ADAMTS2: variants seen among roughly 807,000 people sequenced by gnomAD.
ADAMTS2 encodes A disintegrin and metalloproteinase with thrombospondin motifs 2.
ADAMTS2 carries 50 observed loss-of-function variants against 123.0 expected under a neutral mutation model. The observed-to-expected ratio is 0.41, with a 90% CI of 0.32 to 0.51. ADAMTS2 has a LOEUF of 0.51. ADAMTS2 is among the 20% of genes least tolerant of loss of function. The probability of loss-of-function intolerance (pLI) is 0.35; values close to 1 mark genes in which losing one functional copy is unlikely to be tolerated. For synonymous variants in ADAMTS2, 678 were observed against 695.4 expected, an observed-to-expected ratio of 0.98 and a Z score of 0.39; for missense variants, 1,494 against 1,705.2, an observed-to-expected ratio of 0.88 and a Z score of 2.18.
rs1762986367 is a variant in ADAMTS2 at position 179,132,721 on chromosome 5, G to A, written c.2209+56C>T. The A allele has an allele frequency of 5.0e-6, 8 of 1,612,352 alleles. No homozygotes were observed. In the East Asian group the frequency reaches 8.9e-5, roughly 18 times the overall value. ...ATGAGTCAGGCCCTCAGCTGTCCGG[G>A]CATGAGCCTGCTGCAGGCATCCAGG... is the stretch of plus-strand genomic sequence containing the variant. On this transcript the variant is annotated intron_variant, in intron 14 of 21. Transcript: ENST00000251582. This position sits in a 1 kb window ranked among gnomAD's most constrained non-coding sequence, Gnocchi z 6.1.
chr5:179,287,840 G>A (rs889231874), intron 2 of ADAMTS2, among the ~76,000 whole-genome samples: 15 of 152,180 alleles, frequency 9.9e-5, no homozygotes, highest in Admixed American at 5.2e-4. Flanking sequence ...ACTACCCGAC[G>A]GACGTCCCCC....
rs536786642 is a variant in ADAMTS2, at chr5:179,283,797, G to A, written c.535-10733C>T. Among the ~76,000 whole-genome samples, 21 of 151,120 alleles carry A rather than the reference G, an allele frequency of 1.4e-4. No individual in the cohort carries two copies. The South Asian group carries it at 1.7e-3, about 12-fold the overall frequency. On this transcript the variant is annotated intron_variant, in intron 2 of 21. Transcript: ENST00000251582. ...TCCCAGCTACTCAGGAGGCTGAGGC[G>A]GGAGAATCACTTGAACCCAGGAGGC...
intron 2 of ADAMTS2, among the ~76,000 whole-genome samples, chr5:179,286,808 C>T (rs1418525089): frequency 6.6e-6 from 1 of 152,138 alleles, no homozygotes; most frequent in Non-Finnish European, 1.5e-5. Flanking sequence ...TGGGCAGAGG[C>T]GGTTTCTCTC....
intron 3 of ADAMTS2, among the ~76,000 whole-genome samples, chr5:179,223,449 C>T (rs541289768): frequency 9.0e-4 from 136 of 150,734 alleles, no homozygotes; most frequent in Non-Finnish European, 1.4e-3. Flanking sequence ...CACTCACACA[C>T]GCACACTCAC....
chr5:179,190,148 C>T (rs1056196093), intron 4 of ADAMTS2, among the ~76,000 whole-genome samples: 1 of 152,156 alleles, frequency 6.6e-6, no homozygotes, highest in Non-Finnish European at 1.5e-5. Context: ...AGAGGCCTGA[C>T]ATTCCTGTCT....
At chr5:179,218,122 G>A (rs867708160) in intron 3 of ADAMTS2, among the ~76,000 whole-genome samples, 1 of 152,228 alleles carries the variant, frequency 6.6e-6, no homozygotes, top group Non-Finnish European at 1.5e-5. Flanking sequence ...CTAAGGCCAT[G>A]ATGTTGGCAA....
chr5:179,201,522 A>C (rs961419861), intron 4 of ADAMTS2, among the ~76,000 whole-genome samples: 1 of 151,890 alleles, frequency 6.6e-6, no homozygotes, highest in Non-Finnish European at 1.5e-5. Context: ...ACGGTGGCTC[A>C]CGCCTGTAAT....
rs1762608905 is a variant in ADAMTS2, at chr5:179,113,601, G to A, written c.*266C>T. ...TCCCTCTTGCCCTGCCCTCACTGAG[G>A]GAGGCCATACAGCCTCTATATTCCT... On this transcript the variant is annotated 3_prime_UTR_variant, in exon 22 of 22. Transcript: ENST00000251582. 1.9e-6 allele frequency: 1 copy of A among 514,310 alleles called. No homozygotes were observed. Among genetic ancestry groups the A allele is most frequent in the African/African-American group, 1.9e-5 (1 of 52,226 alleles). 31.9% of individuals were successfully genotyped at this position (514,310 alleles called of 1,614,324 possible).
intron 10 of ADAMTS2, among the ~76,000 whole-genome samples, chr5:179,140,591 T>C (rs886855071): frequency 2.0e-5 from 3 of 152,120 alleles, no homozygotes; most frequent in Non-Finnish European, 2.9e-5. Context: ...GGAGGAAGCG[T>C]CTACAGTTTA....
At chr5:179,195,472 T>C (rs574066771) in intron 4 of ADAMTS2, among the ~76,000 whole-genome samples, 14 of 152,354 alleles carry the variant, frequency 9.2e-5, no homozygotes, top group Admixed American at 5.2e-4. Flanking sequence ...GTGGCCCACA[T>C]TGAAAAATAA....
At chr5:179,264,733 C>T (rs1488986508) in intron 3 of ADAMTS2, among the ~76,000 whole-genome samples, 4 of 152,176 alleles carry the variant, frequency 2.6e-5, no homozygotes, top group Admixed American at 6.5e-5. Context: ...ACTGGGCAGG[C>T]GCCCTGTGCC....
At chr5:179,201,441 T>A (rs565030469) in intron 4 of ADAMTS2, among the ~76,000 whole-genome samples, 24 of 152,214 alleles carry the variant, frequency 1.6e-4, no homozygotes, top group African/African-American at 5.8e-4. Context: ...GACAATTAAC[T>A]GCTGGGAGAA....
intron 4 of ADAMTS2, among the ~76,000 whole-genome samples, chr5:179,184,238 C>A (rs930603431): frequency 6.6e-6 from 1 of 152,120 alleles, no homozygotes; most frequent in Non-Finnish European, 1.5e-5. Context: ...CCTGGCCAGG[C>A]GCAGTGGCTC....
rs1763530236 is a variant in ADAMTS2 at position 179,158,586 on chromosome 5, A to G, written c.1132+137T>C. The G allele has an allele frequency of 8.9e-7, 1 of 1,126,290 alleles. No individual in the cohort carries two copies. The highest frequency in any genetic ancestry group is 1.3e-6 in the Non-Finnish European group (1 of 761,026). 69.8% of individuals were successfully genotyped at this position (1,126,290 alleles called of 1,614,324 possible). ...CATCAGTGCACTGCCCCACACCCTC[A>G]CCCAGCTAAGGTGGCCACGGCCTTC... On this transcript the variant is annotated intron_variant, in intron 6 of 21. Coordinates refer to ENST00000251582, the MANE Select transcript of ADAMTS2 (RefSeq NM_014244.5). This position sits in a 1 kb window ranked among gnomAD's most constrained non-coding sequence, Gnocchi z 5.0.
chr5:179,257,821 C>T (rs565634464), intron 3 of ADAMTS2, among the ~76,000 whole-genome samples: 8 of 152,310 alleles, frequency 5.3e-5, no homozygotes, highest in African/African-American at 1.4e-4. Flanking sequence ...ACCCCCATCC[C>T]GGCCACTGCC....
chr5:179,153,341 G>C, intron 9 of ADAMTS2, 150 bp downstream of exon 9: 1 of 1,248,966 alleles, frequency 8.0e-7, no homozygotes, highest in Non-Finnish European at 1.1e-6. Context: ...GTGGGGAGTG[G>C]TGGGTGCAGA....
At chr5:179,206,583 G>A (rs1045034978) in intron 4 of ADAMTS2, among the ~76,000 whole-genome samples, 1 of 152,130 alleles carries the variant, frequency 6.6e-6, no homozygotes, top group African/African-American at 2.4e-5. Context: ...GGGCCCCACT[G>A]GCAGCATCTC....
intron 3 of ADAMTS2, among the ~76,000 whole-genome samples, chr5:179,211,584 G>A (rs1764850761): frequency 6.6e-6 from 1 of 152,212 alleles, no homozygotes; most frequent in Non-Finnish European, 1.5e-5. Flanking sequence ...AAGCACTCCA[G>A]AGCCATCCTG....
intron 3 of ADAMTS2, among the ~76,000 whole-genome samples, chr5:179,214,244 C>G (rs554703892): frequency 8.5e-6 from 1 of 118,224 alleles, no homozygotes; most frequent in South Asian, 2.8e-4. Context: ...CCCACAGTCA[C>G]CATTACTGAG....
Sources: gnomAD v4.1 joint callset for allele counts (sites outside exome capture counted in the v4.1 genomes callset) on GRCh38, gnomAD v4.1.1 for gene constraint, Gnocchi (gnomAD v3.1) non-coding constraint, MANE v1.5 for transcripts, NCBI Gene and HGNC (gene_info 2026-07-23, HGNC 2026-07-21) for gene names.